The following PARP11 variants were observed in gnomAD, a reference collection of about 807,000 sequenced individuals.
PARP11 encodes protein mono-ADP-ribosyltransferase PARP11.
In PARP11, 31 loss-of-function variants were observed where a neutral mutation model predicts 42.9. The observed-to-expected ratio is 0.72, with a 90% CI of 0.54 to 0.98. The LOEUF is 0.98. Among genes scored for constraint, PARP11 ranks in the 50% least tolerant of loss-of-function variants. The pLI is 0.00. For synonymous variants in PARP11, 137 were observed against 127.3 expected (o/e 1.08, Z -0.51); for missense variants, 365 against 413.1 (o/e 0.88, Z 1.01).
In PARP11 at chr12:3,861,881, C is replaced by T. The variant is rs545940440; in HGVS notation, c.18+11331G>A. On this transcript the variant is annotated intron_variant, in intron 1 of 7. Transcript: ENST00000228820. This position sits in a 1 kb window ranked among gnomAD's most constrained non-coding sequence, Gnocchi z 4.6. ...CTACCAAAAATACAAAAAAATTAGC[C>T]AGGCGTGGTGGAGGGTGCCTATAGT... Among the ~76,000 whole-genome samples the T allele has an allele frequency of 6.6e-6, 1 of 152,108 alleles. No individual in the cohort carries two copies. Among genetic ancestry groups the T allele is most frequent in the South Asian group, 2.1e-4 (1 of 4,824 alleles).
chr12:3,817,742 C>T (rs571688790), intron 6 of PARP11, among the ~76,000 whole-genome samples: 1 of 152,316 alleles, frequency 6.6e-6, no homozygotes, highest in East Asian at 1.9e-4. Flanking sequence ...GCCACATGCT[C>T]TGCACTGGAG....
chr12:3,863,863 G>A (rs866615731), intron 1 of PARP11: 1 of 152,214 alleles, frequency 6.6e-6, no homozygotes, highest in Non-Finnish European at 1.5e-5. Context: ...GATTCCCAGA[G>A]GGAAGGCAGG....
At chr12:3,831,449 C>T (rs754007714) in intron 1 of PARP11, among the ~76,000 whole-genome samples, 25 of 152,054 alleles carry the variant, frequency 1.6e-4, no homozygotes, top group Non-Finnish European at 2.8e-4. Context: ...GAAGCTGTAG[C>T]AACCTGGAAT....
At chr12:3,813,007 G>A (rs1947215593) in intron 7 of PARP11, among the ~76,000 whole-genome samples, 1 of 152,134 alleles carries the variant, frequency 6.6e-6, no homozygotes, top group South Asian at 2.1e-4. Context: ...GTTTCACCAT[G>A]TTGGCCAGGC....
At chr12:3,839,669 CTAA>C (rs1165379297) in intron 1 of PARP11, 1 of 964,978 alleles carries the variant, frequency 1.0e-6, no homozygotes, top group Admixed American at 1.7e-5. Context: ...AATCTGGAAC[CTAA>C]TGTTTCTCCT....
Position 3,851,882 on chromosome 12 carries a change from G to C in PARP11, c.18+21330C>G, listed in dbSNP as rs188962477. Among the ~76,000 whole-genome samples the C allele has an allele frequency of 9.2e-5, 14 of 152,336 alleles. No homozygotes were observed. The East Asian group carries it at 2.7e-3, about 29-fold the overall frequency. ...TAGGGGCCGACTGACACCTCATACA[G>C]TCGGATGCCCCTCTGAGACGAAGCT... On this transcript the variant is annotated intron_variant, in intron 1 of 7. Transcript: ENST00000228820.
At chr12:3,843,261 T>C (rs1369051137) in intron 1 of PARP11, among the ~76,000 whole-genome samples, 1 of 152,220 alleles carries the variant, frequency 6.6e-6, no homozygotes, top group East Asian at 1.9e-4. Context: ...CAAGAATTCT[T>C]AGCACTGGTG....
Position 3,846,710 on chromosome 12 carries a change from T to C in PARP11, c.19-16692A>G, listed in dbSNP as rs910090852. On this transcript the variant is annotated intron_variant, in intron 1 of 7. Coordinates refer to ENST00000228820, the MANE Select transcript of PARP11 (RefSeq NM_020367.6). ...AGGCAGAGCTTGCAGTGAGCCAAGATTGCGCCACTGCACTCCAGCCTGGGC... is the reference window on the plus strand; with the variant it reads ...AGGCAGAGCTTGCAGTGAGCCAAGACTGCGCCACTGCACTCCAGCCTGGGC... Among the ~76,000 whole-genome samples, 6 of 150,612 alleles carry C rather than the reference T, an allele frequency of 4.0e-5. No individual in the cohort carries two copies. The East Asian group carries it at 9.8e-4, about 25-fold the overall frequency.
chr12:3,847,880 C>A (rs1366588967), intron 1 of PARP11, among the ~76,000 whole-genome samples: 1 of 152,078 alleles, frequency 6.6e-6, no homozygotes, highest in African/African-American at 2.4e-5. Flanking sequence ...AGTTAAATTT[C>A]CTTTGTTGAC....
chr12:3,820,571 T>G (rs1182543050), intron 6 of PARP11, among the ~76,000 whole-genome samples: 1 of 152,198 alleles, frequency 6.6e-6, no homozygotes, highest in Non-Finnish European at 1.5e-5. Flanking sequence ...TTTACCACTA[T>G]GATTTAACTG....
chr12:3,814,971 A>C (rs1204455315), intron 6 of PARP11: 2 of 453,912 alleles, frequency 4.4e-6, no homozygotes, highest in Non-Finnish European at 8.9e-6. Context: ...AAAAATACAA[A>C]ATACAAACAA....
chr12:3,814,263 C>G, intron 6 of PARP11, 75 bp from the exon 7 acceptor site: 2 of 1,237,142 alleles, frequency 1.6e-6, no homozygotes, highest in East Asian at 2.6e-5. Flanking sequence ...TCTTAATGAG[C>G]AAGGTTCAAT....
rs1223465040 is a variant in PARP11, at chr12:3,811,541, T to C, written c.*582A>G. On this transcript the variant is annotated 3_prime_UTR_variant, in exon 8 of 8. Coordinates refer to ENST00000228820, the MANE Select transcript of PARP11 (RefSeq NM_020367.6). ...TGGAAAGTGGGGCATTCTACCTTGA[T>C]TTTCTCCTTCTGGCTTGTTTGACAG... The C allele has an allele frequency of 6.6e-6, 1 of 152,272 alleles. No individual in the cohort carries two copies. The highest frequency in any genetic ancestry group is 1.5e-5 in the Non-Finnish European group (1 of 68,082). 9.4% of individuals were successfully genotyped at this position (152,272 alleles called of 1,614,324 possible). A position where few individuals can be genotyped will look rare whatever the true frequency, so the allele number is the denominator to read the frequency against.
At chr12:3,867,514 T>A (rs1403570161) in intron 1 of PARP11, among the ~76,000 whole-genome samples, 5 of 152,200 alleles carry the variant, frequency 3.3e-5, no homozygotes, top group African/African-American at 9.7e-5. Context: ...AGCAGAGATA[T>A]ATCTAGAATT....
At chr12:3,847,784 C>G (rs1253928194) in intron 1 of PARP11, among the ~76,000 whole-genome samples, 2 of 152,168 alleles carry the variant, frequency 1.3e-5, no homozygotes, top group Admixed American at 1.3e-4. Flanking sequence ...TCCAGTTTCA[C>G]TACTGTTACT....
At chr12:3,871,135 A>G (rs1948470782) in intron 1 of PARP11, among the ~76,000 whole-genome samples, 1 of 152,238 alleles carries the variant, frequency 6.6e-6, no homozygotes, top group Non-Finnish European at 1.5e-5. Flanking sequence ...AGGGAAATGT[A>G]CTGATAAACT....
intron 1 of PARP11, among the ~76,000 whole-genome samples, chr12:3,851,441 C>T (rs1948093393): frequency 6.6e-6 from 1 of 152,226 alleles, no homozygotes. Flanking sequence ...TAGCAAATGG[C>T]ACACCAGGAG....
At chr12:3,855,119 G>A (rs983216992) in intron 1 of PARP11, among the ~76,000 whole-genome samples, 1 of 152,186 alleles carries the variant, frequency 6.6e-6, no homozygotes, top group Non-Finnish European at 1.5e-5. Flanking sequence ...ACTAGGTATT[G>A]ATGGAACATA....
intron 1 of PARP11, among the ~76,000 whole-genome samples, chr12:3,852,642 C>A (rs892328092): frequency 6.6e-6 from 1 of 152,022 alleles, no homozygotes; most frequent in African/African-American, 2.4e-5. Context: ...GTGAAAAGAC[C>A]AAATCTATGT....
Sources: gnomAD v4.1 joint callset for allele counts (sites outside exome capture counted in the v4.1 genomes callset) on GRCh38, gnomAD v4.1.1 for gene constraint, Gnocchi (gnomAD v3.1) non-coding constraint, MANE v1.5 for transcripts, NCBI Gene and HGNC (gene_info 2026-07-23, HGNC 2026-07-21) for gene names.